Variants in FBXL2 observed in about 807,000 individuals in gnomAD.
FBXL2 encodes F-box and leucine rich repeat protein 2, also known as F-box/LRR-repeat protein 2.
In FBXL2, 38 loss-of-function variants were observed where a neutral mutation model predicts 69.2. The observed-to-expected ratio is 0.55, with a 90% CI of 0.42 to 0.72. The LOEUF (loss-of-function observed/expected upper bound fraction) is 0.72, where lower values mean the gene tolerates loss of function less well. FBXL2 is among the 30% of genes least tolerant of loss of function. The pLI is 0.00. For missense variants in FBXL2, 354 were observed against 520.3 expected, an observed-to-expected ratio of 0.68 and a Z score of 3.11; for synonymous variants, 192 against 201.3, an observed-to-expected ratio of 0.95 and a Z score of 0.39.
chr3:33,408,587 C>T (rs762740457), downstream of FBXL2: 400 of 811,804 alleles, frequency 4.9e-4, 4 homozygotes, highest in Middle Eastern at 2.4e-4. Context: ...AAGACATGGA[C>T]ATCAAAAACA....
intron 1 of FBXL2, among the ~76,000 whole-genome samples, chr3:33,290,842 G>A (rs1054887560): frequency 6.9e-6 from 1 of 145,698 alleles, no homozygotes; most frequent in African/African-American, 2.4e-5. Context: ...ATCTTAAAAG[G>A]AGGTAGAAAA....
intron 2 of FBXL2, among the ~76,000 whole-genome samples, chr3:33,347,675 C>T (rs554253603): frequency 6.6e-6 from 1 of 152,238 alleles, no homozygotes; most frequent in South Asian, 2.1e-4. Context: ...ACATCCTTGC[C>T]AGCATTTGTT....
At chr3:33,277,146 G>T, upstream of FBXL2, 2 of 234,620 alleles carry the variant, frequency 8.5e-6, no homozygotes, top group Non-Finnish European at 8.1e-6. Flanking sequence ...AATTTAAAAT[G>T]TTTTCAATAA....
chr3:33,385,494 C>G lies in FBXL2; in HGVS notation c.1165-7C>G, dbSNP rs1384792017. ...TAAAGACTCCACTTTTTTCTTCATC[C>G]TTCCAGGCTCAGCTCCCTCATGTCA... is the stretch of plus-strand genomic sequence containing the variant. On this transcript the variant is annotated splice_polypyrimidine_tract_variant and splice_region_variant and intron_variant, in intron 14 of 14. Transcript: ENST00000484457. 20 of 1,612,624 alleles carry G rather than the reference C, an allele frequency of 1.2e-5. No homozygotes were observed. Among genetic ancestry groups the G allele is most frequent in the Non-Finnish European group, 1.7e-5 (20 of 1,178,964 alleles).
chr3:33,419,156 C>T, the FBXL2 span, among the ~76,000 whole-genome samples: 1 of 152,066 alleles, frequency 6.6e-6, no homozygotes. Flanking sequence ...GAAGAGTCAC[C>T]ATTTCCTGAC....
intron 1 of FBXL2, among the ~76,000 whole-genome samples, chr3:33,282,092 T>C (rs577488180): frequency 6.6e-6 from 1 of 152,300 alleles, no homozygotes; most frequent in Admixed American, 6.5e-5. Context: ...TGCCATTGCT[T>C]TTGGTGTTTT....
chr3:33,296,216 C>G (rs982659557), intron 1 of FBXL2, among the ~76,000 whole-genome samples: 1 of 152,122 alleles, frequency 6.6e-6, no homozygotes, highest in African/African-American at 2.4e-5. Context: ...CAGGCATGCA[C>G]CATCATGCCC....
chr3:33,364,551 T>C, intron 4 of FBXL2, 74 bp from the exon 5 acceptor site: 1 of 1,272,822 alleles, frequency 7.9e-7, no homozygotes, highest in Non-Finnish European at 1.1e-6. Flanking sequence ...GTTCCTAGAT[T>C]TCAGGTTATT....
rs979747108 is a variant in FBXL2 at position 33,387,291 on chromosome 3, T to G, written c.*1683T>G. On this transcript the variant is annotated 3_prime_UTR_variant, in exon 15 of 15. Transcript: ENST00000484457. Reference sequence around the variant, plus strand: ...CTTGCTTCAGTGATTATGAATTAGTTTAGTTTCTATTAAAAAAAATTAACT... The same window carrying G: ...CTTGCTTCAGTGATTATGAATTAGTGTAGTTTCTATTAAAAAAAATTAACT... 2.9e-4 allele frequency: 44 copies of G among 152,020 alleles called. 2 individuals are homozygous for G. The highest frequency in any genetic ancestry group is 2.8e-3 in the Admixed American group (42 of 15,270). The allele number at this position is 152,020 out of a possible 1,614,324, so 9.4% of individuals were successfully genotyped here. A position where few individuals can be genotyped will look rare whatever the true frequency, so the allele number is the denominator to read the frequency against.
intron 2 of FBXL2, chr3:33,317,616 A>G (rs556692366): frequency 2.3e-6 from 1 of 433,270 alleles, no homozygotes; most frequent in Non-Finnish European, 4.6e-6. Flanking sequence ...CAGTAGGGGT[A>G]TGTTTCTGTT....
chr3:33,418,314 C>T, the FBXL2 span, among the ~76,000 whole-genome samples: 9 of 151,976 alleles, frequency 5.9e-5, no homozygotes, highest in South Asian at 2.1e-4. Context: ...AATGCAGTGG[C>T]GCAATCTCGG....
chr3:33,315,911 GA>G (rs2037645973), intron 2 of FBXL2, among the ~76,000 whole-genome samples: 1 of 151,900 alleles, frequency 6.6e-6, no homozygotes, highest in South Asian at 2.1e-4. Context: ...AAAGCCTTTG[GA>G]ATTTCATAAA....
downstream of FBXL2, chr3:33,390,206 C>G (rs2043701617): frequency 6.3e-6 from 6 of 949,712 alleles, no homozygotes; most frequent in Non-Finnish European, 9.6e-6. Context: ...GAAAGGTCAT[C>G]TTGTGTTTTC....
chr3:33,337,325 A>G (rs2039671112), intron 2 of FBXL2, among the ~76,000 whole-genome samples: 4 of 152,324 alleles, frequency 2.6e-5, no homozygotes, highest in Admixed American at 2.6e-4. Context: ...CAGAAAAAGA[A>G]ACCCAATTTA....
rs116297924 is a variant in FBXL2, at chr3:33,330,674, C to T, written c.66-28293C>T. On this transcript the variant is annotated intron_variant, in intron 2 of 14. Coordinates refer to ENST00000484457, the MANE Select transcript of FBXL2 (RefSeq NM_012157.5). ...AGGCCAAGCCAGGCAGCTTACTTAACGCCAGGAGTTTGAGACCAGCCTGGC... is the reference window on the plus strand; with the variant it reads ...AGGCCAAGCCAGGCAGCTTACTTAATGCCAGGAGTTTGAGACCAGCCTGGC... 4.0e-3 allele frequency among the ~76,000 whole-genome samples: 614 copies of T among 152,082 alleles called. 7 individuals carry two copies. Among genetic ancestry groups the T allele is most frequent in the African/African-American group, 0.013 (554 of 41,476 alleles).
intron 1 of FBXL2, among the ~76,000 whole-genome samples, chr3:33,292,173 A>G (rs2125701218): frequency 6.6e-6 from 1 of 152,314 alleles, no homozygotes; most frequent in African/African-American, 2.4e-5. Flanking sequence ...TGAGCTCAGG[A>G]GTTTGAGACC....
At chr3:33,339,269 C>CA (rs2039829557) in intron 2 of FBXL2, among the ~76,000 whole-genome samples, 1 of 151,986 alleles carries the variant, frequency 6.6e-6, no homozygotes, top group African/African-American at 2.4e-5. Context: ...TATTAAAATT[C>CA]AAAAAACAGA....
At chr3:33,415,765 C>T in the FBXL2 span, among the ~76,000 whole-genome samples, 1 of 150,280 alleles carries the variant, frequency 6.7e-6, no homozygotes, top group African/African-American at 2.4e-5. Flanking sequence ...AAAAAAAAAA[C>T]ACAGAACAAA....
rs182192573 is a variant in FBXL2, at chr3:33,344,548, A to G, written c.66-14419A>G. ...AGGATTGAGATAAAATCATAAATCA[A>G]TGTGTAAGTGTTCAAAAATAAATTC... On this transcript the variant is annotated intron_variant, in intron 2 of 14. Transcript: ENST00000484457. 3.5e-4 allele frequency among the ~76,000 whole-genome samples: 54 copies of G among 152,292 alleles called. No individual in the cohort carries two copies. The East Asian group carries it at 9.4e-3, about 27-fold the overall frequency.
Sources: allele counts gnomAD v4.1 joint callset (sites outside exome capture counted in the v4.1 genomes callset), GRCh38; gene constraint gnomAD v4.1.1; transcripts MANE v1.5; gene names NCBI Gene and HGNC (gene_info 2026-07-23, HGNC 2026-07-21).